MYH15: variants seen among roughly 807,000 people sequenced by gnomAD.
MYH15 encodes the protein myosin heavy chain 15.
A neutral mutation model predicts 240.5 loss-of-function variants in MYH15; 227 were observed. The observed-to-expected ratio is 0.94, with a 90% confidence interval of 0.85 to 1.05. MYH15 has a LOEUF of 1.05. Among genes scored for constraint, MYH15 ranks in the 50% least tolerant of loss-of-function variants. The pLI, the probability that MYH15 is intolerant of heterozygous loss-of-function variation, is 0.00. For synonymous variants in MYH15, 785 were observed against 796.7 expected (o/e 0.99, Z 0.25); for missense variants, 2,217 against 2,247.5 (o/e 0.99, Z 0.27).
the MYH15 span, among the ~76,000 whole-genome samples, chr3:108,537,158 T>C: frequency 1.3e-5 from 2 of 152,324 alleles, no homozygotes; most frequent in East Asian, 1.9e-4. Flanking sequence ...TTGTTTTTAA[T>C]TGATTATAAC....
chr3:108,383,237 T>C (rs1902523), intron 40 of MYH15, among the ~76,000 whole-genome samples: 128,751 of 152,214 alleles, frequency 0.85, 55,021 homozygotes, highest in East Asian at 1. Flanking sequence ...AAAGAGTTCA[T>C]TCTGAATTTT....
At chr3:108,527,878 G>A (rs962336527) in intron 1 of MYH15, among the ~76,000 whole-genome samples, 1 of 152,192 alleles carries the variant, frequency 6.6e-6, no homozygotes, top group Non-Finnish European at 1.5e-5. Flanking sequence ...CAAAACCCCA[G>A]ACTGAATAAT....
rs200125882 is a variant in MYH15 at position 108,459,366 on chromosome 3, T to C, written c.2016A>G (p.Ile672Met). The part of the protein sequence containing the change: ...VRCINPNVNK[I>M]PGILDPYLVL... ...ACAAAGAAATCTAGTTCTTACCTGGTATTTTGTTCACATTGGGATTTATGC... is the reference window on the plus strand; with the variant it reads ...ACAAAGAAATCTAGTTCTTACCTGGCATTTTGTTCACATTGGGATTTATGC... Residue 672 changes from isoleucine (I) to methionine (M), a missense_variant, in exon 18 of 41, where the codon ATA becomes ATG. By Grantham distance (10) the Ile-to-Met change is conservative. Transcript: ENST00000693548. The C allele has an allele frequency of 2.9e-4, 464 of 1,573,974 alleles. No homozygotes were observed. The highest frequency in any genetic ancestry group is 3.7e-4 in the Non-Finnish European group (424 of 1,153,788).
At chr3:108,479,107 A>G (rs948990211) in intron 11 of MYH15, among the ~76,000 whole-genome samples, 49 of 152,366 alleles carry the variant, frequency 3.2e-4, no homozygotes, top group African/African-American at 1.2e-3. Flanking sequence ...GTTTGCAACC[A>G]AGATGAAAAT....
chr3:108,423,540 T>C (rs2082701430), intron 27 of MYH15, among the ~76,000 whole-genome samples: 1 of 152,244 alleles, frequency 6.6e-6, no homozygotes, highest in South Asian at 2.1e-4. Flanking sequence ...TAGTGATCAA[T>C]GTGACAATTT....
chr3:108,452,522 T>C (rs1331365043), intron 21 of MYH15, among the ~76,000 whole-genome samples: 1 of 152,158 alleles, frequency 6.6e-6, no homozygotes, highest in Admixed American at 6.6e-5. Flanking sequence ...TTCATTAACA[T>C]TGATATATTT....
At chr3:108,500,467 G>T (rs1360152594) in intron 3 of MYH15, among the ~76,000 whole-genome samples, 193 bp from the exon 4 acceptor site, 1 of 152,170 alleles carries the variant, frequency 6.6e-6, no homozygotes, top group East Asian at 1.9e-4. Flanking sequence ...ATCAGGACCT[G>T]GGATTACCTT....
chr3:108,531,814 A>ACAT (rs749645405), upstream of MYH15, among the ~76,000 whole-genome samples: 5 of 150,968 alleles, frequency 3.3e-5, no homozygotes, highest in Admixed American at 6.6e-5. Context: ...ATACATAAAT[A>ACAT]AAATAAAAAT....
upstream of MYH15, among the ~76,000 whole-genome samples, chr3:108,532,891 T>C (rs1053599350): frequency 6.6e-6 from 1 of 152,170 alleles, no homozygotes; most frequent in Non-Finnish European, 1.5e-5. Context: ...AACCAATGTA[T>C]TGGCTACTGA....
At chr3:108,484,668 C>T (rs2083291928) in intron 11 of MYH15, among the ~76,000 whole-genome samples, 1 of 151,930 alleles carries the variant, frequency 6.6e-6, no homozygotes, top group African/African-American at 2.4e-5. Flanking sequence ...TTAGTAGAGA[C>T]AGGGTTTCGC....
intron 26 of MYH15, among the ~76,000 whole-genome samples, chr3:108,429,398 G>A (rs1034137218): frequency 2.0e-5 from 3 of 152,084 alleles, no homozygotes; most frequent in African/African-American, 7.2e-5. Context: ...TGGTTACTTG[G>A]TTTTCTAGTC....
rs201317902 is a variant in MYH15, at chr3:108,444,785, A to T, written c.2510T>A (p.Val837Glu). 906 of 1,614,022 alleles carry T rather than the reference A, an allele frequency of 5.6e-4. 1 individual carries two copies. The highest frequency in any genetic ancestry group is 7.1e-4 in the Non-Finnish European group (842 of 1,179,976). The change falls in exon 22 of 41, where the codon GTA (valine) becomes GAA (glutamate). Residue 837 changes from valine to glutamate, a missense_variant. Transcript: ENST00000693548. ...KIKPLVKSSE[V>E]GEEVAGLKEE... ...CTTCAGTCCAGCTACTTCTTCTCCT[A>T]CTTCTGAAGATTTAACAAGAGGCTT...
At chr3:108,470,642 G>A (rs572194256) in intron 13 of MYH15, 56 bp downstream of exon 13, 41 of 1,578,834 alleles carry the variant, frequency 2.6e-5, no homozygotes, top group African/African-American at 2.4e-4. Context: ...TTCAAGTAAC[G>A]TTTTCTAATC....
chr3:108,429,030 C>A, intron 26 of MYH15, 149 bp from the exon 27 acceptor site: 1 of 841,676 alleles, frequency 1.2e-6, no homozygotes, highest in Non-Finnish European at 1.8e-6. Flanking sequence ...GTGATTTGCC[C>A]CAATTCAGTA....
At chr3:108,411,220 C>T (rs1271200399) in intron 30 of MYH15, among the ~76,000 whole-genome samples, 1 of 152,172 alleles carries the variant, frequency 6.6e-6, no homozygotes, top group Non-Finnish European at 1.5e-5. Flanking sequence ...TATCCTAAAG[C>T]TCTAATAAGC....
intron 14 of MYH15, among the ~76,000 whole-genome samples, chr3:108,466,782 G>A (rs1418429984): frequency 6.6e-6 from 1 of 152,110 alleles, no homozygotes; most frequent in Non-Finnish European, 1.5e-5. Flanking sequence ...GGCCCCGCAT[G>A]GTTCAAGGTG....
Position 108,470,117 on chromosome 3 carries a change from A to T in MYH15, c.1479T>A (p.Tyr493Ter), listed in dbSNP as rs762388881. The T allele has an allele frequency of 5.0e-6, 8 of 1,612,154 alleles. No individual in the cohort carries two copies. The South Asian group carries it at 8.8e-5, about 18-fold the overall frequency. Residue 493 changes from tyrosine to a stop codon, truncating the protein, a stop_gained, in exon 14 of 41, where the codon TAT becomes TAA. Coordinates refer to ENST00000693548, the MANE Select transcript of MYH15 (RefSeq NM_014981.3). LOFTEE classifies it high-confidence loss of function. ...WHMFVLEQEE[Y>*]KKESIEWVSI... ...ACACCCATTCAATGCTTTCTTTCTTATATTCCTCTTGCTCCAGAACAAACA... is the reference window on the plus strand; with the variant it reads ...ACACCCATTCAATGCTTTCTTTCTTTTATTCCTCTTGCTCCAGAACAAACA...
At chr3:108,403,786 C>T (rs1379845592) in intron 33 of MYH15, among the ~76,000 whole-genome samples, 1 of 152,102 alleles carries the variant, frequency 6.6e-6, no homozygotes, top group African/African-American at 2.4e-5. Flanking sequence ...TCATGCTTAT[C>T]CTTCAGTTCT....
At chr3:108,544,138 T>C in the MYH15 span, among the ~76,000 whole-genome samples, 25 of 152,352 alleles carry the variant, frequency 1.6e-4, no homozygotes, top group African/African-American at 5.1e-4. Flanking sequence ...CTTTTTTTCT[T>C]GAGAGAGTGA....
Sources: allele counts gnomAD v4.1 joint callset (sites outside exome capture counted in the v4.1 genomes callset), GRCh38; gene constraint gnomAD v4.1.1; transcripts MANE v1.5; gene names NCBI Gene and HGNC (gene_info 2026-07-23, HGNC 2026-07-21).